The following ANK3 variants were observed in gnomAD, a reference collection of about 807,000 sequenced individuals.
The protein encoded by ANK3 is ankyrin 3, also known as ankyrin-3.
A neutral mutation model predicts 370.9 loss-of-function variants in ANK3; 57 were observed. That is an observed-to-expected ratio of 0.15 (90% confidence interval 0.12 to 0.19). ANK3 has a LOEUF of 0.19. ANK3 is among the 10% of genes least tolerant of loss of function. The pLI, the probability that ANK3 is intolerant of heterozygous loss-of-function variation, is 1.00. For synonymous variants in ANK3, 1,929 were observed against 1,946.3 expected (o/e 0.99, Z 0.23); for missense variants, 4,439 against 5,302.1 (o/e 0.84, Z 5.06).
At position 60,458,360 on chromosome 10, in the gene ANK3, C is replaced by T. The variant is rs10994358; in HGVS notation, c.96+156826G>A. Among the ~76,000 whole-genome samples, 1,100 of 152,204 alleles carry T rather than the reference C, an allele frequency of 7.2e-3. 17 individuals carry two copies. Among genetic ancestry groups the T allele is most frequent in the African/African-American group, 0.024 (1,017 of 41,540 alleles). ...CCATTTACAGGAAGGTACATTCCAACATCTCTTAGGGAGGGTCCTAATATG... is the reference window on the plus strand; with the variant it reads ...CCATTTACAGGAAGGTACATTCCAATATCTCTTAGGGAGGGTCCTAATATG... On this transcript the variant is annotated intron_variant, in intron 2 of 43. Transcript: ENST00000373827.
chr10:60,533,645 G>T (rs528139144), intron 2 of ANK3, among the ~76,000 whole-genome samples: 1 of 152,210 alleles, frequency 6.6e-6, no homozygotes, highest in South Asian at 2.1e-4. Context: ...TATTTGTAAT[G>T]CATGTTCATT....
chr10:60,429,274 CA>C (rs1194123507), intron 2 of ANK3, among the ~76,000 whole-genome samples: 1 of 152,110 alleles, frequency 6.6e-6, no homozygotes, highest in Admixed American at 6.6e-5. Flanking sequence ...TTCTCTCAAG[CA>C]GCCTATCTTC....
At chr10:60,040,573 C>G (rs1365658013) in intron 43 of ANK3, among the ~76,000 whole-genome samples, 2 of 152,158 alleles carry the variant, frequency 1.3e-5, no homozygotes, top group Non-Finnish European at 2.9e-5. Context: ...AGTGGTGCAG[C>G]AAGTGAGTCT....
intron 2 of ANK3, among the ~76,000 whole-genome samples, chr10:60,499,591 A>C (rs2075745670): frequency 6.6e-6 from 1 of 152,204 alleles, no homozygotes; most frequent in Admixed American, 6.5e-5. Flanking sequence ...CACATTCATA[A>C]GGGATACTTA....
chr10:60,538,554 T>G (rs1156696853), intron 2 of ANK3, among the ~76,000 whole-genome samples: 1 of 151,910 alleles, frequency 6.6e-6, no homozygotes, highest in East Asian at 1.9e-4. Flanking sequence ...AAGTATCCAG[T>G]CATGCATATA....
intron 2 of ANK3, among the ~76,000 whole-genome samples, chr10:60,549,997 T>C (rs1250707087): frequency 2.0e-5 from 3 of 152,038 alleles, no homozygotes; most frequent in African/African-American, 7.2e-5. Flanking sequence ...GCAAGAGTAT[T>C]TACCGTGCTT....
intron 1 of ANK3, among the ~76,000 whole-genome samples, chr10:60,713,144 A>G (rs2079733534): frequency 6.6e-6 from 1 of 152,232 alleles, no homozygotes; most frequent in Non-Finnish European, 1.5e-5. Context: ...ATCTAACAAC[A>G]GCAGAATACA....
intron 2 of ANK3, among the ~76,000 whole-genome samples, chr10:60,409,767 C>A (rs2063523097): frequency 1.3e-5 from 2 of 152,108 alleles, no homozygotes; most frequent in Admixed American, 6.5e-5. Context: ...AGCTTCTGAT[C>A]CCAAAATTCA....
intron 2 of ANK3, among the ~76,000 whole-genome samples, chr10:60,554,441 C>G (rs149811249): frequency 2.3e-3 from 346 of 152,246 alleles, no homozygotes; most frequent in African/African-American, 7.4e-3. Flanking sequence ...AAAATCCTAG[C>G]CTTTCTTTGC....
At chr10:60,579,326 TAAA>T (rs763281984) in intron 2 of ANK3, among the ~76,000 whole-genome samples, 1,193 of 68,920 alleles carry the variant, frequency 0.017, 10 homozygotes, top group African/African-American at 0.059. Context: ...TCTCTCTCAA[TAAA>T]AAAAAAAAAA....
chr10:60,518,547 C>T (rs1567112807), intron 2 of ANK3, among the ~76,000 whole-genome samples: 2 of 152,082 alleles, frequency 1.3e-5, no homozygotes, highest in African/African-American at 4.8e-5. Context: ...CCCTGAGAAT[C>T]TATACCCCAA....
At chr10:60,648,286 G>A (rs1363136443) in intron 1 of ANK3, among the ~76,000 whole-genome samples, 1 of 149,202 alleles carries the variant, frequency 6.7e-6, no homozygotes, top group Non-Finnish European at 1.5e-5. Flanking sequence ...CCGAGTAGCT[G>A]GGATTACAGG....
intron 2 of ANK3, among the ~76,000 whole-genome samples, chr10:60,413,660 G>C (rs139195507): frequency 1.3e-5 from 2 of 152,268 alleles, no homozygotes; most frequent in Non-Finnish European, 2.9e-5. Context: ...GACTCGAAAT[G>C]TTCTATTCAG....
intron 2 of ANK3, among the ~76,000 whole-genome samples, chr10:60,517,055 T>C (rs931928753): frequency 6.6e-6 from 1 of 151,990 alleles, no homozygotes; most frequent in African/African-American, 2.4e-5. Flanking sequence ...TCTGACCCAC[T>C]CTGATTCTTA....
At chr10:60,601,247 C>T (rs1363791896) in intron 2 of ANK3, among the ~76,000 whole-genome samples, 2 of 151,452 alleles carry the variant, frequency 1.3e-5, no homozygotes, top group African/African-American at 4.9e-5. Flanking sequence ...GGATCTTTAA[C>T]TTCCCACACC....
At chr10:60,327,509 G>A (rs2050183295) in intron 1 of ANK3, among the ~76,000 whole-genome samples, 1 of 152,166 alleles carries the variant, frequency 6.6e-6, no homozygotes, top group Admixed American at 6.5e-5. Flanking sequence ...TTATACCGCA[G>A]TAAAACTGTC....
intron 2 of ANK3, among the ~76,000 whole-genome samples, chr10:60,398,298 T>C (rs755120904): frequency 1.2e-4 from 19 of 152,228 alleles, no homozygotes; most frequent in Admixed American, 3.3e-4. Flanking sequence ...AGGCTGGATG[T>C]GGCCTGCAGG....
At chr10:60,039,905 T>A (rs1377635921) in intron 43 of ANK3, among the ~76,000 whole-genome samples, 4 of 152,190 alleles carry the variant, frequency 2.6e-5, no homozygotes, top group Admixed American at 2.6e-4. Context: ...GAATCAATAA[T>A]CTTGACTTCA....
intron 2 of ANK3, among the ~76,000 whole-genome samples, chr10:60,520,896 T>A (rs1435886281): frequency 1.3e-5 from 2 of 151,904 alleles, no homozygotes; most frequent in African/African-American, 4.8e-5. Context: ...CCTACTTTGC[T>A]CAAAAGTCCT....
Sources: allele counts gnomAD v4.1 joint callset (sites outside exome capture counted in the v4.1 genomes callset), GRCh38; gene constraint gnomAD v4.1.1; transcripts MANE v1.5; gene names NCBI Gene and HGNC (gene_info 2026-07-23, HGNC 2026-07-21).